The following SGCZ variants were observed in gnomAD, a reference collection of about 807,000 sequenced individuals.
The protein encoded by SGCZ is zeta-sarcoglycan.
In SGCZ, 40 loss-of-function variants were observed where a neutral mutation model predicts 41.3. The observed-to-expected ratio is 0.97, with a 90% confidence interval of 0.75 to 1.26. The LOEUF (loss-of-function observed/expected upper bound fraction) is 1.26, where lower values mean the gene tolerates loss of function less well. SGCZ is among the 50% of genes most tolerant of loss of function. The pLI is 0.00. For missense variants in SGCZ, 552 were observed against 369.8 expected, an observed-to-expected ratio of 1.49 and a Z score of -4.04; for synonymous variants, 206 against 137.5, an observed-to-expected ratio of 1.50 and a Z score of -3.49.
At chr8:14,684,810 A>G (rs1510451) in intron 1 of SGCZ, among the ~76,000 whole-genome samples, 151,720 of 152,154 alleles carry the variant, frequency 1, 75,645 homozygotes, top group Middle Eastern at 1. Flanking sequence ...TCATAACCCT[A>G]TTGGTAGCAG....
rs1013909847 is a variant in SGCZ, at chr8:15,112,205, T to C, written c.39+125380A>G. On this transcript the variant is annotated intron_variant, in intron 1 of 7. Transcript: ENST00000382080. Reference sequence around the variant, plus strand: ...GAACATAGTTGAAACCTAACATAAATGAGCAAATTCCTAAGAAGAAAATAA... The same window carrying C: ...GAACATAGTTGAAACCTAACATAAACGAGCAAATTCCTAAGAAGAAAATAA... Among the ~76,000 whole-genome samples, 4 of 152,246 alleles carry C rather than the reference T, an allele frequency of 2.6e-5. No homozygotes were observed. In the East Asian group the frequency reaches 7.7e-4, roughly 29 times the overall value.
At chr8:15,013,558 T>G (rs1802914241) in intron 1 of SGCZ, among the ~76,000 whole-genome samples, 1 of 152,136 alleles carries the variant, frequency 6.6e-6, no homozygotes, top group African/African-American at 2.4e-5. Context: ...ATTCCTCCTC[T>G]ATAGGTATCT....
intron 2 of SGCZ, among the ~76,000 whole-genome samples, chr8:14,442,469 G>T (rs62499702): frequency 0.21 from 32,086 of 152,024 alleles, 4,115 homozygotes; most frequent in Non-Finnish European, 0.29. Context: ...TATCAGGTAT[G>T]TCTTTAATAG....
intron 1 of SGCZ, among the ~76,000 whole-genome samples, chr8:14,787,849 A>T (rs1370660942): frequency 1.3e-5 from 2 of 152,134 alleles, no homozygotes; most frequent in Non-Finnish European, 2.9e-5. Context: ...TCCATTTCAA[A>T]AAAAAAAGGA....
chr8:14,831,649 T>C (rs1465378489), intron 1 of SGCZ, among the ~76,000 whole-genome samples: 1 of 152,018 alleles, frequency 6.6e-6, no homozygotes, highest in African/African-American at 2.4e-5. Flanking sequence ...TGTGTGTATA[T>C]ATATATATAT....
rs539373247 is a variant in SGCZ at position 14,111,906 on chromosome 8, C to T, written c.548-3671G>A. Among the ~76,000 whole-genome samples the T allele has an allele frequency of 3.9e-5, 6 of 152,290 alleles. No individual in the cohort carries two copies. In the South Asian group the frequency reaches 6.2e-4, roughly 16 times the overall value. On this transcript the variant is annotated intron_variant, in intron 5 of 7. Transcript: ENST00000382080. ...CAAATGCCTAACATAAAATGCCACACGCTCAAAAACAAATTATTAAAATTA... is the reference window on the plus strand; with the variant it reads ...CAAATGCCTAACATAAAATGCCACATGCTCAAAAACAAATTATTAAAATTA...
At chr8:14,496,138 T>G (rs1277488418) in intron 2 of SGCZ, among the ~76,000 whole-genome samples, 1 of 98,320 alleles carries the variant, frequency 1.0e-5, no homozygotes, top group East Asian at 2.5e-4. Flanking sequence ...TGATCATGGC[T>G]CACTGCAGCC....
chr8:14,431,868 G>C (rs1238702465), intron 2 of SGCZ, among the ~76,000 whole-genome samples: 1 of 152,114 alleles, frequency 6.6e-6, no homozygotes, highest in Non-Finnish European at 1.5e-5. Flanking sequence ...AGTGGGCTAA[G>C]GATATGAATA....
At chr8:14,369,517 T>C (rs1318116473) in intron 2 of SGCZ, among the ~76,000 whole-genome samples, 2 of 151,988 alleles carry the variant, frequency 1.3e-5, no homozygotes, top group Non-Finnish European at 2.9e-5. Context: ...TTTTCATTCG[T>C]AGAAGGCAGC....
chr8:15,142,212 C>G (rs971955620), intron 1 of SGCZ, among the ~76,000 whole-genome samples: 3 of 151,988 alleles, frequency 2.0e-5, no homozygotes, highest in African/African-American at 7.3e-5. Flanking sequence ...GTTTTAGGGT[C>G]TAAGATTTTA....
chr8:15,201,601 C>T (rs1800892407), intron 1 of SGCZ, among the ~76,000 whole-genome samples: 1 of 152,198 alleles, frequency 6.6e-6, no homozygotes, highest in African/African-American at 2.4e-5. Flanking sequence ...ATTGAGTCTG[C>T]ATCTAGGCTT....
At chr8:14,936,066 T>C (rs568212865) in intron 1 of SGCZ, among the ~76,000 whole-genome samples, 17 of 152,064 alleles carry the variant, frequency 1.1e-4, no homozygotes, top group Non-Finnish European at 2.4e-4. Context: ...ACTTTAAATA[T>C]TCAAAATTGC....
chr8:15,222,002 A>G (rs1801620808), intron 1 of SGCZ, among the ~76,000 whole-genome samples: 1 of 152,200 alleles, frequency 6.6e-6, no homozygotes, highest in Non-Finnish European at 1.5e-5. Flanking sequence ...AAATGCATAG[A>G]ATTACATCAT....
intron 2 of SGCZ, among the ~76,000 whole-genome samples, chr8:14,377,977 C>A (rs1207571444): frequency 6.7e-6 from 1 of 149,888 alleles, no homozygotes; most frequent in Non-Finnish European, 1.5e-5. Context: ...GTGAATAGTG[C>A]CGCAATAAAC....
chr8:15,162,484 A>G (rs1176634468), intron 1 of SGCZ, among the ~76,000 whole-genome samples: 1 of 152,230 alleles, frequency 6.6e-6, no homozygotes, highest in Non-Finnish European at 1.5e-5. Flanking sequence ...ACGTGGATAG[A>G]TACTCCTTCA....
intron 1 of SGCZ, among the ~76,000 whole-genome samples, chr8:14,865,564 C>G (rs1366143555): frequency 6.6e-6 from 1 of 152,114 alleles, no homozygotes; most frequent in Non-Finnish European, 1.5e-5. Context: ...CAGGTATAAG[C>G]ATGACACGTT....
At chr8:14,310,999 T>C (rs1169255119) in intron 3 of SGCZ, among the ~76,000 whole-genome samples, 8 of 152,148 alleles carry the variant, frequency 5.3e-5, no homozygotes, top group South Asian at 2.1e-4. Flanking sequence ...TTTGAGACTA[T>C]TGCTTCACAG....
intron 1 of SGCZ, among the ~76,000 whole-genome samples, chr8:14,757,135 G>T (rs1358930874): frequency 2.0e-5 from 3 of 152,070 alleles, no homozygotes; most frequent in African/African-American, 7.2e-5. Context: ...TGCAACCTCA[G>T]CCTACCAGGT....
intron 5 of SGCZ, among the ~76,000 whole-genome samples, chr8:14,161,783 TG>T (rs1804052920): frequency 6.6e-6 from 1 of 152,160 alleles, no homozygotes; most frequent in Non-Finnish European, 1.5e-5. Context: ...TGCAATACTA[TG>T]TGCATATATT....
Sources: gnomAD v4.1 joint callset for allele counts (sites outside exome capture counted in the v4.1 genomes callset) on GRCh38, gnomAD v4.1.1 for gene constraint, MANE v1.5 for transcripts, NCBI Gene and HGNC (gene_info 2026-07-23, HGNC 2026-07-21) for gene names.